The following THSD4 variants were observed in gnomAD, a reference collection of about 807,000 sequenced individuals.
The protein encoded by THSD4 is thrombospondin type-1 domain-containing protein 4.
Under a neutral mutation model 119.0 loss-of-function variants are expected in THSD4, and 69 were observed. The ratio of observed to expected loss-of-function variants is 0.58; its 90% CI spans 0.48 to 0.71. The LOEUF is 0.71. THSD4 is among the 30% of genes least tolerant of loss of function. THSD4 has a pLI of 0.00. For missense variants in THSD4, 1,393 were observed against 1,391.1 expected (o/e 1.00, Z -0.02); for synonymous variants, 524 against 540.4 (o/e 0.97, Z 0.42).
chr15:71,110,993 G>A (rs981935662), upstream of THSD4: 12 of 754,274 alleles, frequency 1.6e-5, no homozygotes, highest in Admixed American at 5.8e-5. Context: ...TGCCAGCCCC[G>A]CCTTCTCCTT....
At chr15:71,598,199 T>C (rs1291528041) in intron 7 of THSD4, among the ~76,000 whole-genome samples, 1 of 151,994 alleles carries the variant, frequency 6.6e-6, no homozygotes, top group Non-Finnish European at 1.5e-5. Flanking sequence ...CTGCTAAGAA[T>C]TGGTCAGGAA....
intron 8 of THSD4, among the ~76,000 whole-genome samples, chr15:71,712,962 A>G (rs17799162): frequency 0.17 from 25,793 of 152,204 alleles, 2,403 homozygotes; most frequent in Middle Eastern, 0.22. Flanking sequence ...AGGTGAAACT[A>G]ATAAATTTTA....
chr15:71,149,992 C>CTT (rs113609573), intron 2 of THSD4, among the ~76,000 whole-genome samples: 1 of 147,298 alleles, frequency 6.8e-6, no homozygotes, highest in African/African-American at 2.5e-5. Flanking sequence ...GATGGCATAA[C>CTT]TTTTTTTTTT....
At chr15:71,710,102 A>G (rs1566574) in intron 8 of THSD4, among the ~76,000 whole-genome samples, 143,406 of 152,308 alleles carry the variant, frequency 0.94, 68,162 homozygotes, top group East Asian at 1. Flanking sequence ...TCCCATCCTG[A>G]GGGGGCTGAG....
chr15:71,639,673 T>C (rs926826330), intron 7 of THSD4, among the ~76,000 whole-genome samples: 6 of 152,316 alleles, frequency 3.9e-5, no homozygotes, highest in South Asian at 2.1e-4. Context: ...GATTTAAATA[T>C]GTTAAACAAC....
At chr15:71,388,508 T>C (rs536765440) in intron 6 of THSD4, among the ~76,000 whole-genome samples, 2 of 152,314 alleles carry the variant, frequency 1.3e-5, no homozygotes, top group Middle Eastern at 3.4e-3. Context: ...TCTTCCTGTA[T>C]GCCCAGCTTT....
At chr15:71,634,708 A>G (rs2279788) in intron 7 of THSD4, among the ~76,000 whole-genome samples, 41,099 of 152,018 alleles carry the variant, frequency 0.27, 6,291 homozygotes, top group East Asian at 0.62. Context: ...TCTCCTCGGA[A>G]GTCAAGGGAG....
intron 7 of THSD4, among the ~76,000 whole-genome samples, chr15:71,584,262 CTTTTTTTTTTTTT>C (rs71154789): frequency 1.6e-5 from 1 of 61,804 alleles, no homozygotes; most frequent in Non-Finnish European, 2.7e-5. Flanking sequence ...TTTTCACTTT[CTTTTTTTTTTTTT>C]TTTTTTTTTT....
chr15:71,647,783 G>C (rs1366058786), intron 7 of THSD4, among the ~76,000 whole-genome samples: 1 of 152,148 alleles, frequency 6.6e-6, no homozygotes. Flanking sequence ...GTCCCTTCAT[G>C]GGGGGTAAAT....
At chr15:71,545,790 C>T (rs1488712687) in intron 7 of THSD4, among the ~76,000 whole-genome samples, 2 of 152,068 alleles carry the variant, frequency 1.3e-5, no homozygotes, top group African/African-American at 4.8e-5. Context: ...TCTCTTACAG[C>T]CCTGTAAAAA....
chr15:71,567,315 T>C (rs972696257), intron 7 of THSD4, among the ~76,000 whole-genome samples: 1 of 152,074 alleles, frequency 6.6e-6, no homozygotes, highest in African/African-American at 2.4e-5. Context: ...CAGGTGGTTC[T>C]ACTGGTGAAA....
chr15:71,575,767 C>T (rs12594433), intron 7 of THSD4, among the ~76,000 whole-genome samples: 25,890 of 151,996 alleles, frequency 0.17, 2,694 homozygotes, highest in East Asian at 0.49. Context: ...AAAGCAACAA[C>T]GACAACAACA....
chr15:71,526,143 A>G (rs868596498), intron 7 of THSD4, among the ~76,000 whole-genome samples: 2 of 152,268 alleles, frequency 1.3e-5, no homozygotes, highest in Non-Finnish European at 1.5e-5. Context: ...ATTACTGCCT[A>G]CTTGAACCGA....
At chr15:71,207,255 T>G (rs926180056) in intron 3 of THSD4, among the ~76,000 whole-genome samples, 1 of 152,230 alleles carries the variant, frequency 6.6e-6, no homozygotes, top group Non-Finnish European at 1.5e-5. Flanking sequence ...CTGTCTCTCC[T>G]GTGAGCCTCT....
intron 6 of THSD4, among the ~76,000 whole-genome samples, chr15:71,283,570 T>G (rs1249450165): frequency 6.6e-6 from 1 of 152,210 alleles, no homozygotes; most frequent in Non-Finnish European, 1.5e-5. Flanking sequence ...ATTTACTATG[T>G]GGCAGGCAGT....
chr15:71,426,021 T>C (rs1388230933), intron 7 of THSD4, among the ~76,000 whole-genome samples: 1 of 152,136 alleles, frequency 6.6e-6, no homozygotes, highest in Non-Finnish European at 1.5e-5. Context: ...AAAGTGTGAG[T>C]GCATGCTCCC....
At chr15:71,295,534 G>A (rs1213787186) in intron 6 of THSD4, among the ~76,000 whole-genome samples, 1 of 152,120 alleles carries the variant, frequency 6.6e-6, no homozygotes, top group Non-Finnish European at 1.5e-5. Flanking sequence ...CAGATCAGAG[G>A]CAATCTGGCT....
chr15:71,771,584 G>C (rs1229265632), intron 17 of THSD4, among the ~76,000 whole-genome samples: 1 of 152,214 alleles, frequency 6.6e-6, no homozygotes, highest in East Asian at 1.9e-4. Context: ...GGAGTTGGCA[G>C]AGAAGGGAGG....
chr15:71,342,255 G>A (rs2045590153), intron 6 of THSD4: 1 of 177,020 alleles, frequency 5.6e-6, no homozygotes, highest in East Asian at 1.5e-4. Context: ...TTGGGAACCT[G>A]GAACAGAGAG....
Sources: allele counts gnomAD v4.1 joint callset (sites outside exome capture counted in the v4.1 genomes callset), GRCh38; gene constraint gnomAD v4.1.1; transcripts MANE v1.5; gene names NCBI Gene and HGNC (gene_info 2026-07-23, HGNC 2026-07-21).